Variants in SGTB observed in about 807,000 individuals in gnomAD.
The protein encoded by SGTB is small glutamine-rich tetratricopeptide repeat-containing protein beta.
A neutral mutation model predicts 43.9 loss-of-function variants in SGTB; 19 were observed. The ratio of observed to expected loss-of-function variants is 0.43; its 90% CI spans 0.30 to 0.63. The LOEUF is 0.63. Ranked by LOEUF, SGTB falls within the 30% of genes least tolerant of loss-of-function variation. The pLI is 0.12. For synonymous variants in SGTB, 116 were observed against 117.3 expected, an observed-to-expected ratio of 0.99 and a Z score of 0.07; for missense variants, 304 against 358.9, an observed-to-expected ratio of 0.85 and a Z score of 1.24.
rs146508029 is a variant in SGTB, at chr5:65,713,024, T to C, written c.141A>G (p.Pro47=). The C allele has an allele frequency of 5.4e-5, 87 of 1,613,692 alleles. No individual in the cohort carries two copies. Among genetic ancestry groups the C allele is most frequent in the Admixed American group, 2.0e-4 (12 of 59,982 alleles). Residue 47 remains proline, a synonymous_variant, in exon 3 of 11, where the codon CCA becomes CCG. Transcript: ENST00000381007. The part of the protein sequence containing the change: ...QCLETVFKIS[P]EDTHLAVSQP... ...GTGAAACTGCTAGGTGTGTATCTTC[T>C]GGGCTGATCTTAAAAACTGTCTCCA...
At chr5:65,685,021 A>T (rs967619720) in intron 6 of SGTB, among the ~76,000 whole-genome samples, 1 of 152,202 alleles carries the variant, frequency 6.6e-6, no homozygotes. Context: ...GAGAGGGGGT[A>T]GTGGAAATTT....
chr5:65,691,794 G>A (rs887537492), intron 5 of SGTB, among the ~76,000 whole-genome samples: 2 of 151,564 alleles, frequency 1.3e-5, no homozygotes, highest in African/African-American at 2.4e-5. Flanking sequence ...AGCCGGGCGT[G>A]GTGGCGGGCG....
upstream of SGTB, chr5:65,722,615 T>A (rs1340921308): frequency 1.9e-6 from 1 of 537,328 alleles, no homozygotes; most frequent in Admixed American, 3.8e-5. Flanking sequence ...CTCCGCTCCC[T>A]CGGGAGGACG....
intron 3 of SGTB, 132 bp downstream of exon 3, chr5:65,712,829 A>C (rs189841917): frequency 6.7e-6 from 4 of 599,810 alleles, no homozygotes; most frequent in Middle Eastern, 3.1e-4. Flanking sequence ...TTATATCCAT[A>C]TAGACAGACT....
At position 65,670,171 on chromosome 5, in the gene SGTB, G is replaced by C; in HGVS notation, c.*75C>G. ...GTGTTTGGTTTTTTGAAGGAGGGAG[G>C]GGGTACTATCTACAACAAATACTTC... is the stretch of plus-strand genomic sequence containing the variant. On this transcript the variant is annotated 3_prime_UTR_variant, in exon 11 of 11. Coordinates refer to ENST00000381007, the MANE Select transcript of SGTB (RefSeq NM_019072.3). 1 of 1,289,542 alleles carries C rather than the reference G, an allele frequency of 7.8e-7. No individual in the cohort carries two copies. Among genetic ancestry groups the C allele is most frequent in the Non-Finnish European group, 1.1e-6 (1 of 907,334 alleles). 79.9% of individuals were successfully genotyped at this position (1,289,542 alleles called of 1,614,324 possible). A position where few individuals can be genotyped will look rare whatever the true frequency, so the allele number is the denominator to read the frequency against.
intron 4 of SGTB, among the ~76,000 whole-genome samples, chr5:65,707,380 T>C (rs986794741): frequency 3.3e-5 from 5 of 149,566 alleles, no homozygotes; most frequent in African/African-American, 1.2e-4. Flanking sequence ...CCTTTTTAGA[T>C]ACCAGCTGAT....
intron 3 of SGTB, among the ~76,000 whole-genome samples, chr5:65,711,988 C>T (rs1174939139): frequency 6.6e-6 from 1 of 152,170 alleles, no homozygotes; most frequent in Non-Finnish European, 1.5e-5. Flanking sequence ...TGGTTCAAGG[C>T]TATAATCCGA....
intron 2 of SGTB, among the ~76,000 whole-genome samples, chr5:65,713,301 C>G (rs1267190726): frequency 1.3e-5 from 2 of 151,924 alleles, no homozygotes; most frequent in Non-Finnish European, 2.9e-5. Flanking sequence ...TTCTCCTTCC[C>G]CTTCCCTCCC....
intron 10 of SGTB, among the ~76,000 whole-genome samples, chr5:65,671,644 CGGGGGT>C (rs144609440): frequency 0.014 from 1,533 of 112,304 alleles, 14 homozygotes; most frequent in Non-Finnish European, 0.019. Flanking sequence ...GAACCGGGGG[CGGGGGT>C]GGGGGTGGGG....
chr5:65,704,209 G>T, intron 5 of SGTB, 70 bp downstream of exon 5: 4 of 1,101,802 alleles, frequency 3.6e-6, no homozygotes, highest in South Asian at 1.9e-5. Flanking sequence ...ATTAAGATTT[G>T]CATTTTCCTT....
intron 2 of SGTB, among the ~76,000 whole-genome samples, chr5:65,714,350 G>C (rs1758107950): frequency 6.6e-6 from 1 of 152,140 alleles, no homozygotes; most frequent in Non-Finnish European, 1.5e-5. Context: ...CTGTCTACAT[G>C]ATAAAGCTTA....
Position 65,670,216 on chromosome 5 carries a change from T to G in SGTB, c.*30A>C, listed in dbSNP as rs187447334. 1.3e-5 allele frequency: 20 copies of G among 1,597,522 alleles called. No individual in the cohort carries two copies. In the African/African-American group the frequency reaches 2.7e-4, roughly 21 times the overall value. On this transcript the variant is annotated 3_prime_UTR_variant, in exon 11 of 11. Coordinates refer to ENST00000381007, the MANE Select transcript of SGTB (RefSeq NM_019072.3). Reference sequence around the variant, plus strand: ...TACTTCATTCATAGCCATAAACCATTTGTATCTTGGGCTTGAGCCCCTGGT... The same window carrying G: ...TACTTCATTCATAGCCATAAACCATGTGTATCTTGGGCTTGAGCCCCTGGT...
intron 5 of SGTB, among the ~76,000 whole-genome samples, chr5:65,695,122 A>G (rs1205565586): frequency 1.3e-5 from 2 of 152,168 alleles, no homozygotes; most frequent in Admixed American, 6.5e-5. Flanking sequence ...TAGAAATGGA[A>G]AGCCATTTTG....
intron 2 of SGTB, among the ~76,000 whole-genome samples, chr5:65,716,695 G>A (rs1758159158): frequency 6.6e-6 from 1 of 152,122 alleles, no homozygotes; most frequent in South Asian, 2.1e-4. Context: ...GGAATCAGAA[G>A]TTCGGTTTTG....
chr5:65,694,186 T>C (rs1294325631), intron 5 of SGTB, among the ~76,000 whole-genome samples: 1 of 151,862 alleles, frequency 6.6e-6, no homozygotes, highest in South Asian at 2.1e-4. Flanking sequence ...TCCCAGCACT[T>C]TGGGAGGCCG....
At chr5:65,704,491 AT>A (rs747578469) in intron 4 of SGTB, 113 bp from the exon 5 acceptor site, 2 of 746,440 alleles carry the variant, frequency 2.7e-6, no homozygotes, top group East Asian at 3.3e-5. Context: ...CGGCCTCATG[AT>A]TTTTCAGTCA....
chr5:65,714,966 T>G (rs1003228807), intron 2 of SGTB, among the ~76,000 whole-genome samples: 1 of 152,212 alleles, frequency 6.6e-6, no homozygotes, highest in Admixed American at 6.5e-5. Flanking sequence ...GAACTAAAAG[T>G]CTGGCAGGAA....
intron 3 of SGTB, among the ~76,000 whole-genome samples, chr5:65,711,018 A>T (rs963471734): frequency 7.2e-6 from 1 of 138,328 alleles, no homozygotes; most frequent in Non-Finnish European, 1.6e-5. Flanking sequence ...AAAAAAAAAT[A>T]GCCAGGCGTG....
intron 2 of SGTB, among the ~76,000 whole-genome samples, chr5:65,713,988 A>G (rs1180460509): frequency 2.0e-5 from 3 of 152,060 alleles, no homozygotes; most frequent in African/African-American, 7.3e-5. Flanking sequence ...TGGGAGGAGG[A>G]GGTTGCAGTG....
Sources: allele counts gnomAD v4.1 joint callset (sites outside exome capture counted in the v4.1 genomes callset), GRCh38; gene constraint gnomAD v4.1.1; transcripts MANE v1.5; gene names NCBI Gene and HGNC (gene_info 2026-07-23, HGNC 2026-07-21).